Variants in CARM1 observed in about 807,000 individuals in gnomAD.
CARM1 encodes coactivator associated arginine methyltransferase 1, also known as histone-arginine methyltransferase CARM1.
CARM1 carries 14 observed loss-of-function variants against 72.7 expected under a neutral mutation model. The ratio of observed to expected loss-of-function variants is 0.19; its 90% CI spans 0.13 to 0.30. The LOEUF is 0.30. CARM1 is among the 10% of genes least tolerant of loss of function. The pLI, the probability that CARM1 is intolerant of heterozygous loss-of-function variation, is 1.00. For synonymous variants in CARM1, 333 were observed against 345.5 expected (o/e 0.96, Z 0.40); for missense variants, 432 against 833.7 (o/e 0.52, Z 5.93).
At position 10,920,786 on chromosome 19, in the gene CARM1, G is replaced by A. The variant is rs545233923; in HGVS notation, c.1424+38G>A. On this transcript the variant is annotated intron_variant, in intron 12 of 15. Coordinates refer to ENST00000327064, the MANE Select transcript of CARM1 (RefSeq NM_199141.2). The surrounding 1 kb of genome is among the most constrained non-coding windows in gnomAD (Gnocchi z 5.3). The stretch of plus-strand genomic sequence containing the variant: ...CCTTGCCTGCACAGGGGGGCGCCCC[G>A]GCCCTGCAACCCCCTTGCCCCTGCC... 3.2e-5 allele frequency: 52 copies of A among 1,613,520 alleles called. No homozygotes were observed. In the Admixed American group the frequency reaches 4.0e-4, roughly 12 times the overall value.
At chr19:10,875,201 C>T (rs1245853119) in intron 1 of CARM1, among the ~76,000 whole-genome samples, 1 of 152,172 alleles carries the variant, frequency 6.6e-6, no homozygotes, top group Non-Finnish European at 1.5e-5. Context: ...GCCACAATCC[C>T]TGGAGAGGTT....
Position 10,920,408 on chromosome 19 carries a change from C to G in CARM1, c.1197-28C>G, listed in dbSNP as rs1446337228. On this transcript the variant is annotated intron_variant, in intron 10 of 15. Coordinates refer to ENST00000327064, the MANE Select transcript of CARM1 (RefSeq NM_199141.2). This position sits in a 1 kb window ranked among gnomAD's most constrained non-coding sequence, Gnocchi z 5.3. ...GCTCCAGTGGTGGCGCCGGCCCAGT[C>G]AAGTATGTGCCTGTCCCTGCTCCAC... 1.9e-6 allele frequency: 3 copies of G among 1,596,356 alleles called. No individual in the cohort carries two copies. The African/African-American group carries it at 4.0e-5, about 21-fold the overall frequency.
chr19:10,910,713 A>C (rs2074142783), intron 4 of CARM1, among the ~76,000 whole-genome samples: 1 of 150,698 alleles, frequency 6.6e-6, no homozygotes. Context: ...CTACAGGCGC[A>C]CACCACCAAG....
chr19:10,906,615 A>C (rs1160026876), intron 2 of CARM1, among the ~76,000 whole-genome samples: 4 of 152,082 alleles, frequency 2.6e-5, no homozygotes, highest in Non-Finnish European at 5.9e-5. Flanking sequence ...GGCACGTGCC[A>C]CTGTACCCAG....
In CARM1 at chr19:10,896,594, G is replaced by T. The variant is rs995826810; in HGVS notation, c.221-8357G>T. On this transcript the variant is annotated intron_variant, in intron 1 of 15. Transcript: ENST00000327064. This position sits in a 1 kb window ranked among gnomAD's most constrained non-coding sequence, Gnocchi z 5.2. The stretch of plus-strand genomic sequence containing the variant: ...GGGCCTCTTGCAGTCCCTCCACAGC[G>T]CCCCTACCCACATCAACCCACGTTT... 1.3e-5 allele frequency among the ~76,000 whole-genome samples: 2 copies of T among 152,008 alleles called. No homozygotes were observed. The highest frequency in any genetic ancestry group is 4.8e-5 in the African/African-American group (2 of 41,372).
intron 1 of CARM1, among the ~76,000 whole-genome samples, chr19:10,890,774 CAT>C (rs1396281380): frequency 0.018 from 1,123 of 63,548 alleles, 80 homozygotes; most frequent in Middle Eastern, 0.037. Flanking sequence ...TACACACACA[CAT>C]ATATATATAT....
At position 10,909,201 on chromosome 19, in the gene CARM1, G is replaced by A; in HGVS notation, c.552G>A (p.Lys184=). 6.2e-7 allele frequency: 1 copy of A among 1,611,852 alleles called. No homozygotes were observed. Among genetic ancestry groups the A allele is most frequent in the Non-Finnish European group, 8.5e-7 (1 of 1,178,108 alleles). Residue 184 remains lysine, a synonymous_variant, in exon 4 of 16, where the codon AAG becomes AAA. Transcript: ENST00000327064. Reference sequence around the variant, plus strand: ...TCCTGCAAAACCACACCGACTTCAAGGACAAGGTGAGTGGCCCGCGCATGT... The same window carrying A: ...TCCTGCAAAACCACACCGACTTCAAAGACAAGGTGAGTGGCCCGCGCATGT... The part of the protein sequence containing the change: ...RAILQNHTDF[K]DKIVLDVGCG...
rs767754365 is a variant in CARM1, at chr19:10,921,807, C to T, written c.*50C>T. The T allele has an allele frequency of 4.2e-5, 64 of 1,520,550 alleles. No individual in the cohort carries two copies. The highest frequency in any genetic ancestry group is 6.3e-5 in the South Asian group (5 of 78,826). 94.2% of individuals were successfully genotyped at this position (1,520,550 alleles called of 1,614,324 possible). A position where few individuals can be genotyped will look rare whatever the true frequency, so the allele number is the denominator to read the frequency against. On this transcript the variant is annotated 3_prime_UTR_variant, in exon 16 of 16. Coordinates refer to ENST00000327064, the MANE Select transcript of CARM1 (RefSeq NM_199141.2). Reference sequence around the variant, plus strand: ...ACCAGGAAACCAAATGATGTCCCTGCCCGCCGCCCCCGCCGGGCGGCTTTC... The same window carrying T: ...ACCAGGAAACCAAATGATGTCCCTGTCCGCCGCCCCCGCCGGGCGGCTTTC...
intron 1 of CARM1, among the ~76,000 whole-genome samples, 174 bp downstream of exon 1, chr19:10,872,096 A>C (rs2073823316): frequency 6.6e-6 from 1 of 151,372 alleles, no homozygotes. Context: ...GGACAGACAG[A>C]GAAAAGAGGG....
chr19:10,877,942 A>G (rs2146299155), intron 1 of CARM1, among the ~76,000 whole-genome samples: 1 of 152,266 alleles, frequency 6.6e-6, no homozygotes, highest in South Asian at 2.1e-4. Context: ...CCTGGGCTCA[A>G]GTGATCCTCT....
intron 1 of CARM1, among the ~76,000 whole-genome samples, chr19:10,876,330 A>C (rs980890933): frequency 6.6e-6 from 1 of 152,190 alleles, no homozygotes; most frequent in African/African-American, 2.4e-5. Flanking sequence ...CCGGCCAATA[A>C]ATATTTATGT....
rs2074192481 is a variant in CARM1 at position 10,915,936 on chromosome 19, C to T, written c.848-471C>T. Among the ~76,000 whole-genome samples the T allele has an allele frequency of 6.6e-6, 1 of 152,198 alleles. No homozygotes were observed. Among genetic ancestry groups the T allele is most frequent in the Non-Finnish European group, 1.5e-5 (1 of 68,018 alleles). Reference sequence around the variant, plus strand: ...TCCCTGTGGTGTGGATTTGGCTTCCCCCACCTGGCTCTTGGCCTCAACTGA... The same window carrying T: ...TCCCTGTGGTGTGGATTTGGCTTCCTCCACCTGGCTCTTGGCCTCAACTGA... On this transcript the variant is annotated intron_variant, in intron 6 of 15. Transcript: ENST00000327064. The surrounding 1 kb of genome is among the most constrained non-coding windows in gnomAD (Gnocchi z 4.6).
intron 1 of CARM1, among the ~76,000 whole-genome samples, chr19:10,890,269 GTTT>G (rs200303370): frequency 7.3e-6 from 1 of 136,124 alleles, no homozygotes; most frequent in African/African-American, 2.7e-5. Context: ...TGTTTTGTTT[GTTT>G]TTTTTTTTTT....
intron 1 of CARM1, among the ~76,000 whole-genome samples, chr19:10,881,343 C>G (rs1434197799): frequency 1.3e-5 from 2 of 152,218 alleles, no homozygotes; most frequent in Non-Finnish European, 2.9e-5. Context: ...GTCAGCTTCT[C>G]AGAAGGATCT....
In CARM1 at chr19:10,913,863, C is replaced by T. The variant is rs1256574703; in HGVS notation, c.670-14C>T. Reference sequence around the variant, plus strand: ...AAGACGCAGGGAAGCCCACATGGCCCTGCCCGCCTGCAGGTCTTGGTGAAG... The same window carrying T: ...AAGACGCAGGGAAGCCCACATGGCCTTGCCCGCCTGCAGGTCTTGGTGAAG... On this transcript the variant is annotated splice_polypyrimidine_tract_variant and intron_variant, in intron 5 of 15. Coordinates refer to ENST00000327064, the MANE Select transcript of CARM1 (RefSeq NM_199141.2). The T allele has an allele frequency of 1.2e-6, 2 of 1,608,942 alleles. No individual in the cohort carries two copies. Among genetic ancestry groups the T allele is most frequent in the Non-Finnish European group, 8.5e-7 (1 of 1,177,290 alleles).
intron 1 of CARM1, among the ~76,000 whole-genome samples, chr19:10,873,384 A>G (rs568291135): frequency 2.6e-5 from 4 of 152,032 alleles, no homozygotes; most frequent in African/African-American, 7.2e-5. Flanking sequence ...ACTTGAGGTC[A>G]GGAGTTCGAG....
intron 4 of CARM1, among the ~76,000 whole-genome samples, chr19:10,909,660 G>T (rs1224511971): frequency 6.6e-6 from 1 of 150,784 alleles, no homozygotes; most frequent in Non-Finnish European, 1.5e-5. Flanking sequence ...TGGCATGAAC[G>T]CAGGAGGCAG....
rs1462402494 is a variant in CARM1 at position 10,912,340 on chromosome 19, G to A, written c.669+46G>A. 1.4e-6 allele frequency: 2 copies of A among 1,408,864 alleles called. No individual in the cohort carries two copies. The highest frequency in any genetic ancestry group is 2.0e-6 in the Non-Finnish European group (2 of 996,356). The allele number at this position is 1,408,864 out of a possible 1,614,324, so 87.3% of individuals were successfully genotyped here. ...CACCCAGCCTCGTCCTCGCCCATGA[G>A]TGCCATGCCGGCCCCAGCCTAGAGA... On this transcript the variant is annotated intron_variant, in intron 5 of 15. Coordinates refer to ENST00000327064, the MANE Select transcript of CARM1 (RefSeq NM_199141.2). The surrounding 1 kb of genome is among the most constrained non-coding windows in gnomAD (Gnocchi z 4.5).
At chr19:10,891,477 G>A (rs1336413930) in intron 1 of CARM1, among the ~76,000 whole-genome samples, 1 of 152,128 alleles carries the variant, frequency 6.6e-6, no homozygotes, top group Non-Finnish European at 1.5e-5. Flanking sequence ...AGGGCCGTGG[G>A]GTGGGTGCAG....
Sources: gnomAD v4.1 joint callset for allele counts (sites outside exome capture counted in the v4.1 genomes callset) on GRCh38, gnomAD v4.1.1 for gene constraint, Gnocchi (gnomAD v3.1) non-coding constraint, MANE v1.5 for transcripts, NCBI Gene and HGNC (gene_info 2026-07-23, HGNC 2026-07-21) for gene names.